Variants in DISP2 observed in about 807,000 individuals in gnomAD.
DISP2 encodes protein dispatched homolog 2.
Under a neutral mutation model 95.5 loss-of-function variants are expected in DISP2, and 59 were observed. The observed-to-expected ratio is 0.62, with a 90% CI of 0.50 to 0.77. The LOEUF (loss-of-function observed/expected upper bound fraction) is 0.77. Ranked by LOEUF, DISP2 falls within the 30% of genes least tolerant of loss-of-function variation. The pLI, the probability that DISP2 is intolerant of heterozygous loss-of-function variation, is 0.00. For synonymous variants in DISP2, 827 were observed against 815.0 expected (o/e 1.01, Z -0.25); for missense variants, 1,752 against 1,854.6 (o/e 0.94, Z 1.02).
In DISP2 at chr15:40,374,259, G is replaced by A. The variant is rs1259162284; in HGVS notation, c.*3941G>A. The A allele has an allele frequency of 6.9e-6, 1 of 145,952 alleles. No homozygotes were observed. The highest frequency in any genetic ancestry group is 2.1e-4 in the East Asian group (1 of 4,758). The allele number at this position is 145,952 out of a possible 1,614,324, so 9.0% of individuals were successfully genotyped here. Reference sequence around the variant, plus strand: ...GAGTCTTGCTCTGTCGCCCAGGCTGGAGTGCAGTGGCACAATTTCGGCTCA... The same window carrying A: ...GAGTCTTGCTCTGTCGCCCAGGCTGAAGTGCAGTGGCACAATTTCGGCTCA... On this transcript the variant is annotated 3_prime_UTR_variant, in exon 8 of 8. Coordinates refer to ENST00000267889, the MANE Select transcript of DISP2 (RefSeq NM_033510.3).
Position 40,370,555 on chromosome 15 carries a change from G to A in DISP2, c.*237G>A, listed in dbSNP as rs1213772272. On this transcript the variant is annotated 3_prime_UTR_variant, in exon 8 of 8. Coordinates refer to ENST00000267889, the MANE Select transcript of DISP2 (RefSeq NM_033510.3). Reference sequence around the variant, plus strand: ...GGAGGGGACCTGCTTGCGACCTGCTGAGGGCTTGTCTGCTCCCACAGCACC... The same window carrying A: ...GGAGGGGACCTGCTTGCGACCTGCTAAGGGCTTGTCTGCTCCCACAGCACC... 9 of 759,198 alleles carry A rather than the reference G, an allele frequency of 1.2e-5. No individual in the cohort carries two copies. The highest frequency in any genetic ancestry group is 1.8e-5 in the Non-Finnish European group (8 of 442,898). The allele number at this position is 759,198 out of a possible 1,614,324, so 47.0% of individuals were successfully genotyped here.
chr15:40,367,596 C>T lies in DISP2; in HGVS notation c.1484C>T (p.Ala495Val). Residue 495 changes from alanine to valine, a missense_variant, in exon 8 of 8, where the codon GCT becomes GTT. By Grantham distance (64) the Ala-to-Val change is moderately conservative. Transcript: ENST00000267889. ...CAGGACACGGTGTACCCCTTGCTGG[C>T]TCTGGTTGCCATCTTCTTCGGCATG... ...LVQDTVYPLL[A>V]LVAIFFGMAL... 5 of 1,613,966 alleles carry T rather than the reference C, an allele frequency of 3.1e-6. No individual in the cohort carries two copies. Among genetic ancestry groups the T allele is most frequent in the Non-Finnish European group, 3.4e-6 (4 of 1,179,996 alleles).
rs751227147 is a variant in DISP2 at position 40,365,138 on chromosome 15, C to T, written c.720-9C>T. On this transcript the variant is annotated splice_polypyrimidine_tract_variant and intron_variant, in intron 5 of 7. Coordinates refer to ENST00000267889, the MANE Select transcript of DISP2 (RefSeq NM_033510.3). ...ATGGTGCCTGGCATAGATATTCTCTCCACTTCAGCTCGAGCTCCCACAACA... is the reference window on the plus strand; with the variant it reads ...ATGGTGCCTGGCATAGATATTCTCTTCACTTCAGCTCGAGCTCCCACAACA... 4 of 1,612,838 alleles carry T rather than the reference C, an allele frequency of 2.5e-6. No homozygotes were observed. The highest frequency in any genetic ancestry group is 3.4e-6 in the Non-Finnish European group (4 of 1,179,428).
Position 40,364,622 on chromosome 15 carries a change from G to A in DISP2, c.603+78G>A, listed in dbSNP as rs534252155. On this transcript the variant is annotated intron_variant, in intron 4 of 7. Transcript: ENST00000267889. ...GCCTGGGGCAGAAAGTTGGAGGTAG[G>A]GTAGCCATGGTAGCCTGGGGATAGG... 2.0e-4 allele frequency: 306 copies of A among 1,563,014 alleles called. 7 individuals are homozygous for A. In the South Asian group the frequency reaches 3.0e-3, roughly 15 times the overall value.
chr15:40,364,473 G>A lies in DISP2; in HGVS notation c.532G>A (p.Ala178Thr), dbSNP rs1889462503. 4 of 1,614,006 alleles carry A rather than the reference G, an allele frequency of 2.5e-6. No homozygotes were observed. The highest frequency in any genetic ancestry group is 3.4e-6 in the Non-Finnish European group (4 of 1,180,036). ...AGTGGCCGTGCTGATGCTGTGTCTG[G>A]CTGTCATCTTCCTCTGCACCCTGGC... Reference protein sequence around the residue: ...WPVAVLMLCLAVIFLCTLAGL... With the variant: ...WPVAVLMLCLTVIFLCTLAGL... The change falls in exon 4 of 8, where the codon GCT (alanine) becomes ACT (threonine). Residue 178 changes from alanine to threonine, a missense_variant. Coordinates refer to ENST00000267889, the MANE Select transcript of DISP2 (RefSeq NM_033510.3).
At chr15:40,362,016 C>T (rs7165541) in intron 1 of DISP2, among the ~76,000 whole-genome samples, 18,496 of 152,234 alleles carry the variant, frequency 0.12, 1,996 homozygotes, top group East Asian at 0.56. Flanking sequence ...GCAATCCTGC[C>T]ACTGGGGTTG....
At chr15:40,362,341 C>T (rs1889418774) in intron 1 of DISP2, among the ~76,000 whole-genome samples, 1 of 152,248 alleles carries the variant, frequency 6.6e-6, no homozygotes, top group Non-Finnish European at 1.5e-5. Context: ...TCTCCACTCA[C>T]AGCATTCAAC....
Position 40,365,254 on chromosome 15 carries a change from A to C in DISP2, c.827A>C (p.Asn276Thr). The C allele has an allele frequency of 6.2e-7, 1 of 1,613,898 alleles. No individual in the cohort carries two copies. Among genetic ancestry groups the C allele is most frequent in the Non-Finnish European group, 8.5e-7 (1 of 1,179,994 alleles). The change falls in exon 6 of 8, where the codon AAC becomes ACC. Residue 276 changes from asparagine to threonine, a missense_variant. This residue lies in a region of DISP2 where 342 missense variants were observed against 364.3 expected (regional missense o/e 0.94). Coordinates refer to ENST00000267889, the MANE Select transcript of DISP2 (RefSeq NM_033510.3). ...VEPLEDRRQE[N>T]FFCGPPEKSY... is the part of the protein sequence containing the mutation. ...CCCCTGGAGGACAGAAGGCAAGAGAACTTCTTCTGTGGCCCCCCTGGTAAG... is the reference window on the plus strand; with the variant it reads ...CCCCTGGAGGACAGAAGGCAAGAGACCTTCTTCTGTGGCCCCCCTGGTAAG...
chr15:40,377,614 T>TCAA lies in DISP2; in HGVS notation c.*7296_*7297insCAA. On this transcript the variant is annotated 3_prime_UTR_variant, in exon 8 of 8. Transcript: ENST00000267889. Reference sequence around the variant, plus strand: ...TCTGAGGTGAGGGGATAGCTGGGAGTGTGGAGCAGCCAAGCTGGCTAGAGT... The same window carrying TCAA: ...TCTGAGGTGAGGGGATAGCTGGGAGTCAAGTGGAGCAGCCAAGCTGGCTAGAGT... 6.6e-6 allele frequency: 1 copy of TCAA among 151,844 alleles called. No homozygotes were observed. Among genetic ancestry groups the TCAA allele is most frequent in the Non-Finnish European group, 1.5e-5 (1 of 68,038 alleles). The allele number at this position is 151,844 out of a possible 1,614,324, so 9.4% of individuals were successfully genotyped here. A position where few individuals can be genotyped will look rare whatever the true frequency, so the allele number is the denominator to read the frequency against.
At position 40,367,835 on chromosome 15, in the gene DISP2, T is replaced by C; in HGVS notation, c.1723T>C (p.Ser575Pro). The C allele has an allele frequency of 6.2e-7, 1 of 1,601,648 alleles. No homozygotes were observed. Among genetic ancestry groups the C allele is most frequent in the Non-Finnish European group, 8.5e-7 (1 of 1,179,870 alleles). Residue 575 changes from serine (S) to proline (P), a missense_variant, in exon 8 of 8, where the codon TCG becomes CCG. By Grantham distance (74) the Ser-to-Pro change is moderately conservative. Coordinates refer to ENST00000267889, the MANE Select transcript of DISP2 (RefSeq NM_033510.3). ...LWRLSKSQLP[S>P]GGLAQRVGRT... ...GCGCCTTAGCAAGAGCCAGCTGCCG[T>C]CGGGGGGGCTGGCGCAGCGCGTGGG... is the stretch of plus-strand genomic sequence containing the variant.
In DISP2 at chr15:40,376,201, G is replaced by A. The variant is rs1889729835; in HGVS notation, c.*5883G>A. 6.6e-6 allele frequency: 1 copy of A among 152,224 alleles called. No individual in the cohort carries two copies. Among genetic ancestry groups the A allele is most frequent in the Admixed American group, 6.5e-5 (1 of 15,280 alleles). 9.4% of individuals were successfully genotyped at this position (152,224 alleles called of 1,614,324 possible). A position where few individuals can be genotyped will look rare whatever the true frequency, so the allele number is the denominator to read the frequency against. On this transcript the variant is annotated 3_prime_UTR_variant, in exon 8 of 8. Transcript: ENST00000267889. ...AATTCAACTTCAGGTGAGACACAGT[G>A]GCTCATGCCTATAATCCCAGTGTTT...
chr15:40,368,549 C>G lies in DISP2; in HGVS notation c.2437C>G (p.Leu813Val), dbSNP rs1365873563. The G allele has an allele frequency of 1.7e-5, 27 of 1,604,418 alleles. No individual in the cohort carries two copies. Among genetic ancestry groups the G allele is most frequent in the Non-Finnish European group, 2.2e-5 (26 of 1,179,922 alleles). ...CGGCCCTGAGGCCCAGCGCTGGCTG[C>G]TGGCACTCTGTCACCGGGCCCGGAA... Reference protein sequence around the residue: ...ASGPEAQRWLLALCHRARNQS... With the variant: ...ASGPEAQRWLVALCHRARNQS... The change falls in exon 8 of 8, where the codon CTG becomes GTG. Residue 813 changes from leucine to valine, a missense_variant. Physicochemically the swap from Leu to Val is conservative, Grantham distance 32 (BLOSUM62 1). This residue lies in a region of DISP2 where 732 missense variants were observed against 714.6 expected (regional missense o/e 1.02). Coordinates refer to ENST00000267889, the MANE Select transcript of DISP2 (RefSeq NM_033510.3).
Position 40,369,058 on chromosome 15 carries a change from C to A in DISP2, c.2946C>A (p.Gly982=), listed in dbSNP as rs757502878. ...LALAFATLLL[G]TWNVPLSLFS... Reference sequence around the variant, plus strand: ...TGGCCTTTGCCACACTGCTCCTGGGCACCTGGAATGTTCCCCTCAGCCTAT... The same window carrying A: ...TGGCCTTTGCCACACTGCTCCTGGGAACCTGGAATGTTCCCCTCAGCCTAT... The change falls in exon 8 of 8, where the codon GGC becomes GGA. Residue 982 remains glycine (G), a synonymous_variant. Transcript: ENST00000267889. 1 of 1,614,068 alleles carries A rather than the reference C, an allele frequency of 6.2e-7. No homozygotes were observed. The highest frequency in any genetic ancestry group is 1.1e-5 in the South Asian group (1 of 91,090).
Position 40,369,001 on chromosome 15 carries a change from G to A in DISP2, c.2889G>A (p.Glu963=). The change falls in exon 8 of 8, where the codon GAG becomes GAA. Residue 963 remains glutamate, a synonymous_variant. Transcript: ENST00000267889. ...LYSLQHSLST[E]PAVVLGLALA... is the part of the protein sequence containing the mutation. ...GCCTGCAGCACAGCCTGAGCACTGA[G>A]CCTGCTGTGGTGCTGGGCCTGGCTT... 6.2e-7 allele frequency: 1 copy of A among 1,614,004 alleles called. No homozygotes were observed. The highest frequency in any genetic ancestry group is 2.2e-5 in the East Asian group (1 of 44,882).
chr15:40,364,763 G>C, intron 4 of DISP2, 75 bp from the exon 5 acceptor site: 1 of 1,479,102 alleles, frequency 6.8e-7, no homozygotes, highest in Non-Finnish European at 9.2e-7. Context: ...GGAGTCAAAG[G>C]GGCAGAGCTG....
rs371174962 is a variant in DISP2, at chr15:40,364,173, C to T, written c.450-53C>T. On this transcript the variant is annotated intron_variant, in intron 2 of 7. Coordinates refer to ENST00000267889, the MANE Select transcript of DISP2 (RefSeq NM_033510.3). ...CCACCCCACCTCCACCCCCAACACA[C>T]GCCCTCTGCAAGAGAACTCTGGCAA... The T allele has an allele frequency of 2.9e-4, 468 of 1,612,046 alleles. 4 individuals carry two copies. The highest frequency in any genetic ancestry group is 7.1e-5 in the Non-Finnish European group (84 of 1,178,918).
chr15:40,360,492 G>T (rs1319755082), intron 1 of DISP2, among the ~76,000 whole-genome samples: 2 of 152,132 alleles, frequency 1.3e-5, no homozygotes, highest in Non-Finnish European at 2.9e-5. Flanking sequence ...GGGTGAGATT[G>T]GGGGCAGCTG....
At chr15:40,365,584 TG>T (rs1426537327) in intron 6 of DISP2, 43 bp from the exon 7 acceptor site, 2 of 1,608,306 alleles carry the variant, frequency 1.2e-6, no homozygotes, top group Non-Finnish European at 1.7e-6. Flanking sequence ...ACCCAGGACC[TG>T]GGGCCAAAGG....
rs1456472606 is a variant in DISP2 at position 40,370,435 on chromosome 15, C to T, written c.*117C>T. 13 of 1,445,164 alleles carry T rather than the reference C, an allele frequency of 9.0e-6. No individual in the cohort carries two copies. Among genetic ancestry groups the T allele is most frequent in the Non-Finnish European group, 1.2e-5 (13 of 1,088,316 alleles). The allele number at this position is 1,445,164 out of a possible 1,614,324, so 89.5% of individuals were successfully genotyped here. A position where few individuals can be genotyped will look rare whatever the true frequency, so the allele number is the denominator to read the frequency against. Reference sequence around the variant, plus strand: ...CAGATCCACAGGGAGAGGTCTCACCCTCCAGCTGTGGATGTTAAACCCTGC... The same window carrying T: ...CAGATCCACAGGGAGAGGTCTCACCTTCCAGCTGTGGATGTTAAACCCTGC... On this transcript the variant is annotated 3_prime_UTR_variant, in exon 8 of 8. Coordinates refer to ENST00000267889, the MANE Select transcript of DISP2 (RefSeq NM_033510.3).
Sources: gnomAD v4.1 joint callset for allele counts (sites outside exome capture counted in the v4.1 genomes callset) on GRCh38, gnomAD v4.1.1 for gene constraint, gnomAD v4.1.1 regional missense constraint, MANE v1.5 for transcripts, NCBI Gene and HGNC (gene_info 2026-07-23, HGNC 2026-07-21) for gene names.